The following CCDC83 variants were observed in gnomAD, a reference collection of about 807,000 sequenced individuals.
The protein encoded by CCDC83 is coiled-coil domain-containing protein 83.
In CCDC83, 54 loss-of-function variants were observed where a neutral mutation model predicts 50.1. The observed-to-expected ratio is 1.08, with a 90% confidence interval of 0.87 to 1.35. CCDC83 has a LOEUF of 1.35. Among genes scored for constraint, CCDC83 ranks in the 40% most tolerant of loss-of-function variants. The probability of loss-of-function intolerance (pLI) is 0.00; values close to 1 mark genes in which losing one functional copy is unlikely to be tolerated. For missense variants in CCDC83, 518 were observed against 473.9 expected (o/e 1.09, Z -0.86); for synonymous variants, 161 against 153.3 (o/e 1.05, Z -0.37).
intron 3 of CCDC83, among the ~76,000 whole-genome samples, chr11:85,875,359 G>A (rs754052796): frequency 1.3e-5 from 2 of 152,218 alleles, no homozygotes; most frequent in African/African-American, 2.4e-5. Flanking sequence ...ATTTCACTGG[G>A]GACCGGCCCC....
chr11:85,882,750 CCAA>C, intron 4 of CCDC83, 75 bp downstream of exon 4: 1 of 1,338,452 alleles, frequency 7.5e-7, no homozygotes, highest in African/African-American at 1.5e-5. Flanking sequence ...CTTTATTCTT[CCAA>C]TATGTTCAAA....
At chr11:85,906,098 C>T (rs2093424805) in intron 7 of CCDC83, among the ~76,000 whole-genome samples, 1 of 150,406 alleles carries the variant, frequency 6.6e-6, no homozygotes, top group African/African-American at 2.4e-5. Context: ...CGGAGCCTCA[C>T]TCTGTTGCCC....
intron 3 of CCDC83, among the ~76,000 whole-genome samples, chr11:85,878,456 C>T (rs914150381): frequency 2.6e-5 from 4 of 152,148 alleles, no homozygotes; most frequent in Non-Finnish European, 5.9e-5. Flanking sequence ...TGGTACTTGG[C>T]TTTTTAAAAT....
At chr11:85,863,173 TA>T in intron 1 of CCDC83, among the ~76,000 whole-genome samples, 1 of 152,356 alleles carries the variant, frequency 6.6e-6, no homozygotes, top group South Asian at 2.1e-4. Context: ...AACTTTTAAA[TA>T]TTTTATAGTA....
chr11:85,913,698 C>A (rs2093465150), intron 8 of CCDC83, among the ~76,000 whole-genome samples: 1 of 152,138 alleles, frequency 6.6e-6, no homozygotes, highest in Admixed American at 6.6e-5. Flanking sequence ...TTTTTCCCAT[C>A]TCAACTCACA....
chr11:85,885,442 T>C (rs1307457894), intron 4 of CCDC83, among the ~76,000 whole-genome samples: 2 of 152,208 alleles, frequency 1.3e-5, no homozygotes, highest in Non-Finnish European at 2.9e-5. Flanking sequence ...CAAGGTGATA[T>C]ATGGTGATGA....
chr11:85,876,509 T>A (rs565417396), intron 3 of CCDC83, among the ~76,000 whole-genome samples: 8 of 152,202 alleles, frequency 5.3e-5, no homozygotes, highest in Non-Finnish European at 1.2e-4. Context: ...TTTCTTGTTT[T>A]TTCATTTGTT....
At chr11:85,901,872 T>TA (rs137950229) in intron 7 of CCDC83, among the ~76,000 whole-genome samples, 46,759 of 148,232 alleles carry the variant, frequency 0.32, 7,765 homozygotes, top group African/African-American at 0.4. Context: ...CTACAAAAAA[T>TA]AAAAAAAAAT....
chr11:85,896,198 G>A (rs750681460), intron 6 of CCDC83, among the ~76,000 whole-genome samples: 5 of 151,914 alleles, frequency 3.3e-5, no homozygotes, highest in East Asian at 1.9e-4. Context: ...AGGCCAAGGC[G>A]GGTGGATTGC....
At chr11:85,878,778 T>C (rs2093282646) in intron 3 of CCDC83, among the ~76,000 whole-genome samples, 1 of 152,180 alleles carries the variant, frequency 6.6e-6, no homozygotes, top group Non-Finnish European at 1.5e-5. Flanking sequence ...GGCTGTACCT[T>C]TTACATTCCC....
chr11:85,898,047 A>G (rs1050652009), intron 6 of CCDC83, among the ~76,000 whole-genome samples: 6 of 151,784 alleles, frequency 4.0e-5, no homozygotes, highest in African/African-American at 1.2e-4. Context: ...AATCCCAGCT[A>G]CTCAGGAGGC....
intron 3 of CCDC83, among the ~76,000 whole-genome samples, chr11:85,877,370 G>T (rs1469690324): frequency 1.3e-5 from 2 of 152,162 alleles, no homozygotes; most frequent in African/African-American, 4.8e-5. Flanking sequence ...TACTCAGGGG[G>T]CTGAGGCAGG....
chr11:85,891,079 C>T (rs543651197), intron 5 of CCDC83, among the ~76,000 whole-genome samples: 2 of 152,306 alleles, frequency 1.3e-5, no homozygotes, highest in South Asian at 4.1e-4. Flanking sequence ...CCACATTTCT[C>T]TCCCCTGATC....
intron 8 of CCDC83, among the ~76,000 whole-genome samples, 180 bp from the exon 9 acceptor site, chr11:85,915,239 T>C (rs1441227907): frequency 1.3e-5 from 2 of 152,208 alleles, no homozygotes; most frequent in African/African-American, 4.8e-5. Flanking sequence ...GTACACACCA[T>C]GACTTTAAAA....
intron 3 of CCDC83, among the ~76,000 whole-genome samples, chr11:85,881,838 G>C (rs1265805834): frequency 6.6e-6 from 1 of 152,180 alleles, no homozygotes; most frequent in African/African-American, 2.4e-5. Context: ...GTTTTCAGAA[G>C]TTTGATTATG....
At chr11:85,910,630 C>T (rs1375935165) in intron 7 of CCDC83, among the ~76,000 whole-genome samples, 1 of 152,200 alleles carries the variant, frequency 6.6e-6, no homozygotes, top group African/African-American at 2.4e-5. Context: ...GCCATGTTTT[C>T]TTAGTTATGT....
At chr11:85,915,581 G>A in intron 9 of CCDC83, 83 bp downstream of exon 9, 1 of 930,608 alleles carries the variant, frequency 1.1e-6, no homozygotes, top group Non-Finnish European at 1.7e-6. Flanking sequence ...ATTGTGAGCA[G>A]GTGCCCCACA....
chr11:85,871,092 G>A (rs1031639539), intron 2 of CCDC83, among the ~76,000 whole-genome samples: 1 of 152,136 alleles, frequency 6.6e-6, no homozygotes, highest in African/African-American at 2.4e-5. Flanking sequence ...GCTTGAACCT[G>A]GGAGGGGGAG....
chr11:85,902,016 C>T (rs2093404733), intron 7 of CCDC83, among the ~76,000 whole-genome samples: 1 of 151,460 alleles, frequency 6.6e-6, no homozygotes, highest in African/African-American at 2.4e-5. Flanking sequence ...GGGTGACAGA[C>T]TGTCTCAAAG....
Sources: allele counts gnomAD v4.1 joint callset (sites outside exome capture counted in the v4.1 genomes callset), GRCh38; gene constraint gnomAD v4.1.1; transcripts MANE v1.5; gene names NCBI Gene and HGNC (gene_info 2026-07-23, HGNC 2026-07-21).